LYPD6: variants seen among roughly 807,000 people sequenced by gnomAD.
LYPD6 encodes the protein ly6/PLAUR domain-containing protein 6.
Under a neutral mutation model 22.7 loss-of-function variants are expected in LYPD6, and 15 were observed. The ratio of observed to expected loss-of-function variants is 0.66; its 90% CI spans 0.44 to 1.02. The LOEUF (loss-of-function observed/expected upper bound fraction) is 1.02. Ranked by LOEUF, LYPD6 falls within the 50% of genes least tolerant of loss-of-function variation. The probability of loss-of-function intolerance (pLI) is 0.00; values close to 1 mark genes in which losing one functional copy is unlikely to be tolerated. For synonymous variants in LYPD6, 72 were observed against 77.5 expected (o/e 0.93, Z 0.37); for missense variants, 189 against 208.4 (o/e 0.91, Z 0.57).
intron 3 of LYPD6, 143 bp from the exon 4 acceptor site, chr2:149,468,502 G>T: frequency 1.2e-6 from 1 of 845,244 alleles, no homozygotes. Context: ...AGGTCTTTGG[G>T]GTTGGACATA....
At chr2:149,403,227 G>A (rs1367510430) in intron 1 of LYPD6, among the ~76,000 whole-genome samples, 2 of 151,834 alleles carry the variant, frequency 1.3e-5, no homozygotes, top group Non-Finnish European at 2.9e-5. Context: ...ATGATTTGTA[G>A]TCCTTTGGGT....
chr2:149,344,490 AG>A (rs2105052172), intron 1 of LYPD6, among the ~76,000 whole-genome samples: 1 of 152,358 alleles, frequency 6.6e-6, no homozygotes, highest in Non-Finnish European at 1.5e-5. Flanking sequence ...CAAAAGACCC[AG>A]GTTTTATTCC....
intron 1 of LYPD6, among the ~76,000 whole-genome samples, chr2:149,331,091 G>C (rs549655568): frequency 3.2e-4 from 48 of 152,286 alleles, no homozygotes; most frequent in Non-Finnish European, 5.4e-4. Context: ...AGGAACTCCA[G>C]CCGGAGGGAG....
intron 1 of LYPD6, among the ~76,000 whole-genome samples, chr2:149,335,835 G>A (rs1193801330): frequency 1.3e-5 from 2 of 152,164 alleles, no homozygotes; most frequent in Non-Finnish European, 2.9e-5. Flanking sequence ...ATTTAGTGCA[G>A]TAACATACTG....
the LYPD6 span, among the ~76,000 whole-genome samples, chr2:149,480,688 A>T: frequency 6.6e-6 from 1 of 152,030 alleles, no homozygotes; most frequent in Non-Finnish European, 1.5e-5. Flanking sequence ...GCCGTGCACC[A>T]CCCAGATTTC....
At chr2:149,364,406 A>C (rs528754913) in intron 1 of LYPD6, among the ~76,000 whole-genome samples, 2 of 152,290 alleles carry the variant, frequency 1.3e-5, no homozygotes, top group Non-Finnish European at 2.9e-5. Flanking sequence ...ATTCATTGGC[A>C]AATTCTCAAC....
chr2:149,374,129 A>C (rs1249027681), intron 1 of LYPD6, among the ~76,000 whole-genome samples: 1 of 152,226 alleles, frequency 6.6e-6, no homozygotes, highest in Non-Finnish European at 1.5e-5. Flanking sequence ...CTAAATGGCC[A>C]GCATCTTTTC....
At chr2:149,401,886 C>T (rs1484330446) in intron 1 of LYPD6, among the ~76,000 whole-genome samples, 1 of 151,978 alleles carries the variant, frequency 6.6e-6, no homozygotes. Context: ...CCCGAATCCC[C>T]AAAGTTCAAT....
intron 1 of LYPD6, among the ~76,000 whole-genome samples, chr2:149,366,475 T>C (rs184527427): frequency 6.6e-6 from 1 of 152,268 alleles, no homozygotes; most frequent in Admixed American, 6.5e-5. Context: ...AGCTTCTGTT[T>C]GTTTTTACAA....
rs548383872 is a variant in LYPD6 at position 149,427,694 on chromosome 2, G to A, written c.-71-9944G>A. 3.3e-5 allele frequency among the ~76,000 whole-genome samples: 5 copies of A among 152,294 alleles called. No individual in the cohort carries two copies. The South Asian group carries it at 8.3e-4, about 25-fold the overall frequency. On this transcript the variant is annotated intron_variant, in intron 1 of 4. Transcript: ENST00000334166. ...TGCGTGTCCAACAGTAATCCCATAC[G>A]ATTATAATGGCTATACTCAATAGCC...
chr2:149,356,472 T>C (rs1343027011), intron 1 of LYPD6, among the ~76,000 whole-genome samples: 3 of 152,210 alleles, frequency 2.0e-5, no homozygotes, highest in South Asian at 4.1e-4. Flanking sequence ...TTCCCAAGTA[T>C]GGCTACTGGC....
intron 1 of LYPD6, among the ~76,000 whole-genome samples, chr2:149,394,490 C>T (rs1005274965): frequency 3.3e-5 from 5 of 152,150 alleles, no homozygotes; most frequent in African/African-American, 1.2e-4. Flanking sequence ...ACTAAATTTA[C>T]ACCCATACAT....
At chr2:149,429,136 C>G (rs1405644337) in intron 1 of LYPD6, among the ~76,000 whole-genome samples, 1 of 152,138 alleles carries the variant, frequency 6.6e-6, no homozygotes, top group African/African-American at 2.4e-5. Context: ...ATAAAAATGA[C>G]ACTTTTGCTC....
intron 1 of LYPD6, among the ~76,000 whole-genome samples, chr2:149,379,565 G>A (rs1298611144): frequency 2.6e-5 from 4 of 152,112 alleles, no homozygotes; most frequent in African/African-American, 9.7e-5. Context: ...TCTCATGATC[G>A]TGATTGAACT....
intron 1 of LYPD6, among the ~76,000 whole-genome samples, chr2:149,409,648 G>A (rs1682809821): frequency 6.6e-6 from 1 of 152,094 alleles, no homozygotes; most frequent in South Asian, 2.1e-4. Flanking sequence ...TTGGGAGTAT[G>A]GTTCCCAGTC....
intron 1 of LYPD6, among the ~76,000 whole-genome samples, chr2:149,396,013 T>A (rs1314384608): frequency 1.3e-5 from 2 of 152,182 alleles, no homozygotes; most frequent in African/African-American, 2.4e-5. Context: ...CTTCATAATG[T>A]TTTATTTAGA....
chr2:149,475,202 C>G (rs752691484), downstream of LYPD6, among the ~76,000 whole-genome samples: 1 of 152,178 alleles, frequency 6.6e-6, no homozygotes, highest in Non-Finnish European at 1.5e-5. Context: ...AGAGCACTTA[C>G]AAATGTTTTA....
At chr2:149,437,584 C>T in intron 1 of LYPD6, 54 bp from the exon 2 acceptor site, 1 of 1,505,410 alleles carries the variant, frequency 6.6e-7, no homozygotes. Flanking sequence ...TCAGCCAAGC[C>T]TCCTGTGGCT....
intron 1 of LYPD6, among the ~76,000 whole-genome samples, chr2:149,428,087 A>T (rs941329941): frequency 6.6e-6 from 1 of 152,242 alleles, no homozygotes; most frequent in African/African-American, 2.4e-5. Flanking sequence ...AGAATAAAGT[A>T]TCAGTGTCTA....
Sources: gnomAD v4.1 joint callset for allele counts (sites outside exome capture counted in the v4.1 genomes callset) on GRCh38, gnomAD v4.1.1 for gene constraint, MANE v1.5 for transcripts, NCBI Gene and HGNC (gene_info 2026-07-23, HGNC 2026-07-21) for gene names.